SV2C: variants seen among roughly 807,000 people sequenced by gnomAD.
SV2C encodes solute carrier family 22 member B3.
Under a neutral mutation model 79.7 loss-of-function variants are expected in SV2C, and 49 were observed. The ratio of observed to expected loss-of-function variants is 0.61; its 90% CI spans 0.49 to 0.78. SV2C has a LOEUF of 0.78. Ranked by LOEUF, SV2C falls within the 30% of genes least tolerant of loss-of-function variation. The pLI, the probability that SV2C is intolerant of heterozygous loss-of-function variation, is 0.00. For missense variants in SV2C, 833 were observed against 912.9 expected (o/e 0.91, Z 1.13); for synonymous variants, 334 against 333.2 (o/e 1.00, Z -0.03).
chr5:76,118,125 C>T (rs58977754), intron 1 of SV2C, among the ~76,000 whole-genome samples: 7,071 of 152,296 alleles, frequency 0.046, 543 homozygotes, highest in African/African-American at 0.16. Flanking sequence ...GAGTCCCAAA[C>T]TAAGATGTGA....
chr5:76,049,294 G>C, the SV2C span, among the ~76,000 whole-genome samples: 4 of 143,238 alleles, frequency 2.8e-5, no homozygotes, highest in Non-Finnish European at 6.0e-5. Flanking sequence ...CTGAGATCGC[G>C]CCACTGCACT....
At chr5:75,848,205 G>T in the SV2C span, among the ~76,000 whole-genome samples, 147 of 152,318 alleles carry the variant, frequency 9.7e-4, no homozygotes, top group Middle Eastern at 3.4e-3. Context: ...GATGGAGTGT[G>T]GAACTGAATC....
chr5:76,084,553 G>A (rs1023421419), intron 1 of SV2C, among the ~76,000 whole-genome samples: 48 of 148,330 alleles, frequency 3.2e-4, no homozygotes, highest in African/African-American at 1.2e-3. Context: ...TGGGCGTGCG[G>A]GGACCTTAGG....
intron 2 of SV2C, among the ~76,000 whole-genome samples, chr5:76,191,573 C>G: frequency 6.6e-6 from 1 of 152,134 alleles, no homozygotes; most frequent in South Asian, 2.1e-4. Context: ...GACATGTCCC[C>G]TTAGGGATTG....
downstream of SV2C, among the ~76,000 whole-genome samples, chr5:76,337,045 G>A (rs1749343979): frequency 6.6e-6 from 1 of 152,122 alleles, no homozygotes; most frequent in African/African-American, 2.4e-5. Context: ...TTTCCTGCTT[G>A]TTGATATCTG....
At chr5:75,950,339 A>G in the SV2C span, among the ~76,000 whole-genome samples, 2 of 152,096 alleles carry the variant, frequency 1.3e-5, no homozygotes, top group African/African-American at 4.8e-5. Flanking sequence ...AATCATTACC[A>G]ATACACAATA....
chr5:76,220,739 G>A (rs763429976), intron 4 of SV2C, among the ~76,000 whole-genome samples: 21 of 152,142 alleles, frequency 1.4e-4, no homozygotes, highest in Non-Finnish European at 2.2e-4. Flanking sequence ...GGCAGTCCGG[G>A]GCTGGTGTAG....
At chr5:76,299,675 G>A (rs1445880636) in intron 10 of SV2C, among the ~76,000 whole-genome samples, 1 of 152,182 alleles carries the variant, frequency 6.6e-6, no homozygotes, top group African/African-American at 2.4e-5. Flanking sequence ...CCTTCTTAGT[G>A]CTCAGACAAG....
At chr5:75,924,324 A>G in the SV2C span, among the ~76,000 whole-genome samples, 2 of 152,176 alleles carry the variant, frequency 1.3e-5, no homozygotes, top group Admixed American at 6.5e-5. Flanking sequence ...CTCATGTTAC[A>G]GGTGCACTAA....
chr5:75,905,706 A>G, the SV2C span, among the ~76,000 whole-genome samples: 1 of 151,972 alleles, frequency 6.6e-6, no homozygotes, highest in African/African-American at 2.4e-5. Flanking sequence ...TTCACTTATC[A>G]TCAGGGCCTC....
At chr5:75,964,823 C>A in the SV2C span, among the ~76,000 whole-genome samples, 2 of 151,882 alleles carry the variant, frequency 1.3e-5, no homozygotes, top group African/African-American at 2.4e-5. Flanking sequence ...TCTTGGGGTA[C>A]GGAAGGATAT....
the SV2C span, among the ~76,000 whole-genome samples, chr5:75,984,167 C>T: frequency 1.3e-5 from 2 of 152,082 alleles, no homozygotes; most frequent in Non-Finnish European, 2.9e-5. Flanking sequence ...CTAATGGAAA[C>T]TGCATGAACA....
At chr5:75,948,050 T>C in the SV2C span, among the ~76,000 whole-genome samples, 16 of 152,048 alleles carry the variant, frequency 1.1e-4, no homozygotes, top group Non-Finnish European at 1.9e-4. Context: ...GGAAGCTGCC[T>C]TCCCAGAGGC....
chr5:76,248,901 G>A (rs1480762210), intron 4 of SV2C, among the ~76,000 whole-genome samples: 2 of 152,166 alleles, frequency 1.3e-5, no homozygotes, highest in Non-Finnish European at 2.9e-5. Context: ...TTACACATGT[G>A]AGCCACCACG....
At chr5:75,997,034 G>T in the SV2C span, among the ~76,000 whole-genome samples, 8 of 149,962 alleles carry the variant, frequency 5.3e-5, no homozygotes, top group Non-Finnish European at 7.4e-5. Flanking sequence ...GAATAGGAGT[G>T]GTGAGAGAGG....
chr5:75,880,069 T>G, the SV2C span, among the ~76,000 whole-genome samples: 1 of 152,152 alleles, frequency 6.6e-6, no homozygotes, highest in African/African-American at 2.4e-5. Context: ...TGGGGAGCAG[T>G]GTTCTGGGGT....
the SV2C span, among the ~76,000 whole-genome samples, chr5:75,849,282 A>G: frequency 6.6e-6 from 1 of 152,222 alleles, no homozygotes; most frequent in Admixed American, 6.5e-5. Flanking sequence ...TGAATGGAAG[A>G]GCAGGTGGTT....
the SV2C span, among the ~76,000 whole-genome samples, chr5:76,040,583 A>T: frequency 6.6e-6 from 1 of 152,220 alleles, no homozygotes; most frequent in Non-Finnish European, 1.5e-5. Context: ...GGGAGTTGTC[A>T]CAGAGGAAGC....
intron 1 of SV2C, among the ~76,000 whole-genome samples, chr5:76,085,646 G>T (rs1405186099): frequency 6.6e-6 from 1 of 152,048 alleles, no homozygotes; most frequent in East Asian, 1.9e-4. Context: ...ATGTCACCTT[G>T]GGCAGGTTAC....
Sources: gnomAD v4.1 joint callset for allele counts (sites outside exome capture counted in the v4.1 genomes callset) on GRCh38, gnomAD v4.1.1 for gene constraint, MANE v1.5 for transcripts, NCBI Gene and HGNC (gene_info 2026-07-23, HGNC 2026-07-21) for gene names.